The following VWA8 variants were observed in gnomAD, a reference collection of about 807,000 sequenced individuals.
VWA8 encodes von Willebrand factor A domain-containing protein 8.
VWA8 carries 221 observed loss-of-function variants against 241.5 expected under a neutral mutation model. That is an observed-to-expected ratio of 0.91 (90% CI 0.82 to 1.02). The LOEUF is 1.02. Among genes scored for constraint, VWA8 ranks in the 50% least tolerant of loss-of-function variants. The pLI, the probability that VWA8 is intolerant of heterozygous loss-of-function variation, is 0.00. For synonymous variants in VWA8, 852 were observed against 827.1 expected (o/e 1.03, Z -0.52); for missense variants, 2,322 against 2,328.7 (o/e 1.00, Z 0.06).
intron 9 of VWA8, among the ~76,000 whole-genome samples, chr13:41,873,604 G>A (rs1352126979): frequency 3.3e-5 from 5 of 152,150 alleles, no homozygotes; most frequent in South Asian, 2.1e-4. Context: ...TAAATTCCTC[G>A]ACACATACAC....
At chr13:41,665,934 T>A (rs1429305539) in intron 37 of VWA8, among the ~76,000 whole-genome samples, 1 of 152,152 alleles carries the variant, frequency 6.6e-6, no homozygotes, top group East Asian at 1.9e-4. Flanking sequence ...TAGTTTAACA[T>A]TCTATAATTT....
In VWA8 at chr13:41,843,813, C is replaced by A. The variant is rs531112408; in HGVS notation, c.1426-10282G>T. The stretch of plus-strand genomic sequence containing the variant: ...GGAAGAAACTGAAACCCGAAACAGA[C>A]CAATATCAAGTTCTGAAATTGAATC... On this transcript the variant is annotated intron_variant, in intron 12 of 44. Transcript: ENST00000379310. Among the ~76,000 whole-genome samples the A allele has an allele frequency of 2.6e-5, 4 of 152,238 alleles. No individual in the cohort carries two copies. The South Asian group carries it at 6.2e-4, about 24-fold the overall frequency.
rs772717953 is a variant in VWA8 at position 41,886,767 on chromosome 13, A to C, written c.866+14T>G. ...CAATATTCAGTGTCCAGACATTTAT[A>C]AAAATATACTTACTTCTCAGCAGAA... On this transcript the variant is annotated intron_variant, in intron 7 of 44. Transcript: ENST00000379310. The C allele has an allele frequency of 6.3e-7, 1 of 1,584,228 alleles. No individual in the cohort carries two copies.
At chr13:41,942,953 A>C (rs1211651096) in intron 2 of VWA8, among the ~76,000 whole-genome samples, 1 of 152,224 alleles carries the variant, frequency 6.6e-6, no homozygotes, top group Non-Finnish European at 1.5e-5. Context: ...AGCAAGCAGA[A>C]TATAAGACTG....
chr13:41,930,407 C>T (rs993924775), intron 2 of VWA8, among the ~76,000 whole-genome samples: 1 of 152,198 alleles, frequency 6.6e-6, no homozygotes, highest in African/African-American at 2.4e-5. Flanking sequence ...ATAAAGATAT[C>T]TGTACTCCAT....
chr13:41,772,330 G>A (rs940812442), intron 20 of VWA8, among the ~76,000 whole-genome samples: 1 of 152,090 alleles, frequency 6.6e-6, no homozygotes, highest in Admixed American at 6.5e-5. Context: ...TGGGAAGGTG[G>A]GGAAGGCAGG....
chr13:41,593,397 T>G (rs928986109), intron 40 of VWA8, among the ~76,000 whole-genome samples: 8 of 152,230 alleles, frequency 5.3e-5, no homozygotes, highest in African/African-American at 1.9e-4. Context: ...TGGGTCACTC[T>G]GGAGCATAGC....
chr13:41,619,850 C>T (rs1418956306), intron 37 of VWA8, among the ~76,000 whole-genome samples: 1 of 152,074 alleles, frequency 6.6e-6, no homozygotes, highest in African/African-American at 2.4e-5. Flanking sequence ...AGCTTTTTGA[C>T]ATGCTGCTGG....
At chr13:41,912,315 A>T in intron 2 of VWA8, 147 bp from the exon 3 acceptor site, 3 of 542,396 alleles carry the variant, frequency 5.5e-6, no homozygotes, top group South Asian at 8.1e-5. Context: ...GTATATAAAT[A>T]TATATAAACA....
intron 21 of VWA8, among the ~76,000 whole-genome samples, chr13:41,751,931 A>G (rs1363981771): frequency 6.6e-6 from 1 of 152,148 alleles, no homozygotes; most frequent in Non-Finnish European, 1.5e-5. Context: ...TGAAATTAGC[A>G]CATATCAAGT....
In VWA8 at chr13:41,691,250, G is replaced by C. The variant is rs1036893160; in HGVS notation, c.3866+70C>G. ...GACACAGGAAAGACAGAACAGTAAA[G>C]ATGTTGGATAATTCATAAATAAGAT... On this transcript the variant is annotated intron_variant, in intron 32 of 44. Coordinates refer to ENST00000379310, the MANE Select transcript of VWA8 (RefSeq NM_015058.2). 7 of 1,524,638 alleles carry C rather than the reference G, an allele frequency of 4.6e-6. No homozygotes were observed. In the Admixed American group the frequency reaches 9.4e-5, roughly 21 times the overall value. 94.4% of individuals were successfully genotyped at this position (1,524,638 alleles called of 1,614,324 possible).
rs1488051160 is a variant in VWA8, at chr13:41,671,218, T to C, written c.4410-71A>G. On this transcript the variant is annotated intron_variant, in intron 36 of 44. Transcript: ENST00000379310. Reference sequence around the variant, plus strand: ...GCAGGAGGGATGACACTGCACATTGTAATGTTCTTTACTGTTGAAAAAGTA... The same window carrying C: ...GCAGGAGGGATGACACTGCACATTGCAATGTTCTTTACTGTTGAAAAAGTA... 2.5e-5 allele frequency: 37 copies of C among 1,505,390 alleles called. 1 individual carries two copies. Among genetic ancestry groups the C allele is most frequent in the Middle Eastern group, 3.5e-4 (2 of 5,768 alleles). The allele number at this position is 1,505,390 out of a possible 1,614,324, so 93.3% of individuals were successfully genotyped here. A position where few individuals can be genotyped will look rare whatever the true frequency, so the allele number is the denominator to read the frequency against.
intron 14 of VWA8, among the ~76,000 whole-genome samples, chr13:41,820,507 C>A (rs1870905557): frequency 6.6e-6 from 1 of 152,132 alleles, no homozygotes; most frequent in South Asian, 2.1e-4. Flanking sequence ...CATTTGAAAA[C>A]AAGGGGAAAC....
At chr13:41,700,380 G>A (rs2137826401) in intron 28 of VWA8, among the ~76,000 whole-genome samples, 1 of 151,838 alleles carries the variant, frequency 6.6e-6, no homozygotes. Context: ...TCAACAGAAG[G>A]ACTGAAAAAG....
At chr13:41,593,676 T>C (rs1296102572) in intron 40 of VWA8, among the ~76,000 whole-genome samples, 2 of 152,208 alleles carry the variant, frequency 1.3e-5, no homozygotes, top group African/African-American at 2.4e-5. Context: ...TGGATGACCA[T>C]TTATGTACCT....
rs375046797 is a variant in VWA8, at chr13:41,635,066, A to G, written c.4612-19982T>C. Among the ~76,000 whole-genome samples the G allele has an allele frequency of 1.2e-4, 19 of 152,258 alleles. No individual in the cohort carries two copies. In the South Asian group the frequency reaches 1.5e-3, roughly 12 times the overall value. ...TTCTTCACCTAAAAAAATGAGGGGGACAGTTGGCAGAAATGCAATTCAAGT... is the reference window on the plus strand; with the variant it reads ...TTCTTCACCTAAAAAAATGAGGGGGGCAGTTGGCAGAAATGCAATTCAAGT... On this transcript the variant is annotated intron_variant, in intron 37 of 44. Transcript: ENST00000379310.
intron 23 of VWA8, 59 bp from the exon 24 acceptor site, chr13:41,727,372 G>A: frequency 8.7e-7 from 1 of 1,145,742 alleles, no homozygotes; most frequent in Non-Finnish European, 1.2e-6. Flanking sequence ...AAAATATCAA[G>A]CAACAATCTT....
rs761024436 is a variant in VWA8 at position 41,719,676 on chromosome 13, CATT to C, written c.3028_3030del (p.Asn1010del). The C allele has an allele frequency of 3.0e-5, 49 of 1,613,056 alleles. 1 individual carries two copies. Among genetic ancestry groups the C allele is most frequent in the Non-Finnish European group, 3.8e-5 (45 of 1,179,488 alleles). On this transcript the variant is annotated inframe_deletion, in exon 26 of 45. Transcript: ENST00000379310. ...GTGTTAATCAATATCTCCCTCATGT[CATT>C]GTTGTAGGAATCAAAGTCAAACACA... is the stretch of plus-strand genomic sequence containing the variant.
At chr13:41,901,584 T>G (rs1875426187) in intron 4 of VWA8, among the ~76,000 whole-genome samples, 1 of 152,058 alleles carries the variant, frequency 6.6e-6, no homozygotes, top group African/African-American at 2.4e-5. Flanking sequence ...ATTATACAAG[T>G]AGGCCAGTCG....
Sources: gnomAD v4.1 joint callset for allele counts (sites outside exome capture counted in the v4.1 genomes callset) on GRCh38, gnomAD v4.1.1 for gene constraint, MANE v1.5 for transcripts, NCBI Gene and HGNC (gene_info 2026-07-23, HGNC 2026-07-21) for gene names.